The following LRRTM4 variants were observed in gnomAD, a reference collection of about 807,000 sequenced individuals.
LRRTM4 encodes the protein leucine-rich repeat transmembrane neuronal protein 4.
In LRRTM4, 25 loss-of-function variants were observed where a neutral mutation model predicts 47.6. That is an observed-to-expected ratio of 0.53 (90% confidence interval 0.38 to 0.73). The LOEUF (loss-of-function observed/expected upper bound fraction) is 0.73, where lower values mean the gene tolerates loss of function less well. Among genes scored for constraint, LRRTM4 ranks in the 30% least tolerant of loss-of-function variants. LRRTM4 has a pLI of 0.00. For missense variants in LRRTM4, 638 were observed against 713.4 expected, an observed-to-expected ratio of 0.89 and a Z score of 1.20; for synonymous variants, 311 against 269.5, an observed-to-expected ratio of 1.15 and a Z score of -1.51.
intron 3 of LRRTM4, among the ~76,000 whole-genome samples, chr2:77,270,161 C>T (rs1176627429): frequency 1.3e-5 from 2 of 152,124 alleles, no homozygotes; most frequent in African/African-American, 2.4e-5. Flanking sequence ...AAAACCTCTA[C>T]CTTAATAAGT....
chr2:77,354,864 C>G (rs1671912518), intron 3 of LRRTM4, among the ~76,000 whole-genome samples: 1 of 152,104 alleles, frequency 6.6e-6, no homozygotes, highest in Non-Finnish European at 1.5e-5. Context: ...TCCACAGCAC[C>G]CTGGGTGGTA....
intron 3 of LRRTM4, among the ~76,000 whole-genome samples, chr2:76,924,020 T>C (rs1674512969): frequency 6.6e-6 from 1 of 152,092 alleles, no homozygotes; most frequent in Non-Finnish European, 1.5e-5. Context: ...TAGGTTTCTT[T>C]CTTGAGGAAG....
At chr2:76,999,108 G>A (rs192008529) in intron 3 of LRRTM4, among the ~76,000 whole-genome samples, 2 of 152,036 alleles carry the variant, frequency 1.3e-5, no homozygotes, top group East Asian at 3.9e-4. Flanking sequence ...TTGGGGAGGG[G>A]TAGTGTGTGT....
intron 3 of LRRTM4, among the ~76,000 whole-genome samples, chr2:77,396,134 A>T (rs1263707574): frequency 6.6e-6 from 1 of 151,928 alleles, no homozygotes; most frequent in Middle Eastern, 3.2e-3. Context: ...AATTAAAACC[A>T]CCAAAAAGAT....
At chr2:76,883,175 G>A (rs1266485865) in intron 3 of LRRTM4, among the ~76,000 whole-genome samples, 1 of 152,050 alleles carries the variant, frequency 6.6e-6, no homozygotes, top group Non-Finnish European at 1.5e-5. Context: ...GCAAACCCCA[G>A]CATCACCTCT....
At chr2:76,865,896 C>G (rs1450115747) in intron 3 of LRRTM4, among the ~76,000 whole-genome samples, 5 of 152,018 alleles carry the variant, frequency 3.3e-5, no homozygotes, top group Non-Finnish European at 5.9e-5. Context: ...CTCTGAAGAT[C>G]ACTTTACATT....
chr2:76,882,656 G>A (rs568105904), intron 3 of LRRTM4, among the ~76,000 whole-genome samples: 5 of 152,214 alleles, frequency 3.3e-5, no homozygotes, highest in Non-Finnish European at 5.9e-5. Context: ...AAAAGGTAAG[G>A]CCAGAAACAT....
intron 3 of LRRTM4, among the ~76,000 whole-genome samples, chr2:77,134,647 A>G (rs1161312083): frequency 6.6e-6 from 1 of 152,098 alleles, no homozygotes; most frequent in Non-Finnish European, 1.5e-5. Context: ...ATTTTTTACT[A>G]TTTTAGTTCT....
intron 3 of LRRTM4, among the ~76,000 whole-genome samples, chr2:77,327,348 C>T (rs1376680445): frequency 6.6e-6 from 1 of 152,140 alleles, no homozygotes; most frequent in Admixed American, 6.6e-5. Context: ...TTCTCAGCTC[C>T]TACAGCTTTC....
At chr2:76,838,748 T>C (rs530804381) in intron 3 of LRRTM4, among the ~76,000 whole-genome samples, 1 of 152,174 alleles carries the variant, frequency 6.6e-6, no homozygotes, top group South Asian at 2.1e-4. Context: ...GATGAAATGA[T>C]GCTCTCTATT....
chr2:77,066,911 G>C (rs1422637242), intron 3 of LRRTM4, among the ~76,000 whole-genome samples: 1 of 152,190 alleles, frequency 6.6e-6, no homozygotes, highest in Non-Finnish European at 1.5e-5. Flanking sequence ...AGAGAGAGCG[G>C]GGCTGAATCC....
intron 3 of LRRTM4, among the ~76,000 whole-genome samples, chr2:76,799,586 T>C (rs1329050083): frequency 7.1e-6 from 1 of 141,354 alleles, no homozygotes; most frequent in African/African-American, 2.7e-5. Context: ...AACATAGTGT[T>C]GGAAGTTCTG....
intron 3 of LRRTM4, among the ~76,000 whole-genome samples, chr2:77,083,806 T>TTG (rs1680614431): frequency 8.9e-6 from 1 of 111,970 alleles, no homozygotes; most frequent in African/African-American, 3.4e-5. Context: ...TTTTTTTTTT[T>TTG]TTTTTTTTTT....
intron 3 of LRRTM4, among the ~76,000 whole-genome samples, chr2:76,775,223 T>C (rs1225617704): frequency 6.6e-6 from 1 of 152,214 alleles, no homozygotes; most frequent in Non-Finnish European, 1.5e-5. Flanking sequence ...TTTCTGTAAG[T>C]AGCATGACAT....
In LRRTM4 at chr2:76,963,606, T is replaced by G. The variant is rs372789793; in HGVS notation, c.1552-214690A>C. On this transcript the variant is annotated intron_variant, in intron 3 of 3. Transcript: ENST00000409884. The stretch of plus-strand genomic sequence containing the variant: ...TTTAAAGATTCTTATAAGTATCATC[T>G]AAGCTATAAAATAAAAATGTATAAG... 1.5e-3 allele frequency among the ~76,000 whole-genome samples: 224 copies of G among 151,102 alleles called. 7 individuals carry two copies. In the South Asian group the frequency reaches 0.044, roughly 30 times the overall value.
intron 3 of LRRTM4, among the ~76,000 whole-genome samples, chr2:77,329,035 G>A (rs1164758150): frequency 6.6e-6 from 1 of 152,154 alleles, no homozygotes; most frequent in African/African-American, 2.4e-5. Flanking sequence ...CGTCTTGTCC[G>A]AGATGGCTGC....
At chr2:77,054,163 A>G (rs1679527670) in intron 3 of LRRTM4, among the ~76,000 whole-genome samples, 1 of 150,072 alleles carries the variant, frequency 6.7e-6, no homozygotes, top group Non-Finnish European at 1.5e-5. Context: ...AGTCAGTAAC[A>G]GGGCAGGCCA....
At chr2:77,396,687 G>A (rs372883457) in intron 3 of LRRTM4, among the ~76,000 whole-genome samples, 5 of 151,904 alleles carry the variant, frequency 3.3e-5, no homozygotes, top group African/African-American at 4.8e-5. Flanking sequence ...AGACAGCAAA[G>A]AGGCTATTTA....
chr2:77,280,363 G>T (rs534292833), intron 3 of LRRTM4, among the ~76,000 whole-genome samples: 2 of 151,942 alleles, frequency 1.3e-5, no homozygotes, highest in Non-Finnish European at 2.9e-5. Context: ...AAATGTAAGA[G>T]AATAAATTTG....
Sources: gnomAD v4.1 joint callset for allele counts (sites outside exome capture counted in the v4.1 genomes callset) on GRCh38, gnomAD v4.1.1 for gene constraint, MANE v1.5 for transcripts, NCBI Gene and HGNC (gene_info 2026-07-23, HGNC 2026-07-21) for gene names.